The following CNGB1 variants were observed in gnomAD, a reference collection of about 807,000 sequenced individuals.
The protein encoded by CNGB1 is cyclic nucleotide gated channel subunit beta 1.
CNGB1 carries 126 observed loss-of-function variants against 151.7 expected under a neutral mutation model. That is an observed-to-expected ratio of 0.83 (90% CI 0.72 to 0.96). The LOEUF (loss-of-function observed/expected upper bound fraction) is 0.96. CNGB1 is among the 40% of genes least tolerant of loss of function. The pLI is 0.00. For missense variants in CNGB1, 1,698 were observed against 1,627.0 expected, an observed-to-expected ratio of 1.04 and a Z score of -0.75; for synonymous variants, 623 against 635.1, an observed-to-expected ratio of 0.98 and a Z score of 0.29.
intron 25 of CNGB1, among the ~76,000 whole-genome samples, chr16:57,906,199 A>ATCTC (rs139113790): frequency 2.0e-5 from 3 of 150,986 alleles, no homozygotes; most frequent in East Asian, 1.9e-4. Flanking sequence ...ACTTGGACAA[A>ATCTC]TCTCTCTCTC....
chr16:57,926,932 A>ACCATTG (rs61241067), intron 17 of CNGB1, among the ~76,000 whole-genome samples: 5,116 of 152,294 alleles, frequency 0.034, 266 homozygotes, highest in African/African-American at 0.11. Flanking sequence ...GTGAGCTGAG[A>ACCATTG]CCATTGCATT....
chr16:57,922,861 A>C (rs1961081366), intron 18 of CNGB1, among the ~76,000 whole-genome samples: 1 of 144,940 alleles, frequency 6.9e-6, no homozygotes, highest in Non-Finnish European at 1.5e-5. Context: ...GGGCCAGGGA[A>C]TCTTTTTTTT....
chr16:57,942,342 C>T (rs1366153996), intron 14 of CNGB1, among the ~76,000 whole-genome samples: 2 of 151,848 alleles, frequency 1.3e-5, no homozygotes, highest in African/African-American at 4.8e-5. Flanking sequence ...CTAAAGATTC[C>T]ACCAAAAAAC....
intron 17 of CNGB1, among the ~76,000 whole-genome samples, chr16:57,928,330 A>C (rs889634894): frequency 3.3e-5 from 5 of 152,244 alleles, no homozygotes; most frequent in African/African-American, 7.2e-5. Flanking sequence ...ACACGTGATC[A>C]TGGTGCCATT....
chr16:57,908,746 C>T (rs1960626263), intron 25 of CNGB1, among the ~76,000 whole-genome samples: 1 of 152,212 alleles, frequency 6.6e-6, no homozygotes, highest in African/African-American at 2.4e-5. Context: ...GCCCAGCCCC[C>T]ATCCTGTGCG....
At position 57,952,493 on chromosome 16, in the gene CNGB1, C is replaced by CTTTTTTTT. The variant is rs10598722; in HGVS notation, c.875-1961_875-1954dup. Among the ~76,000 whole-genome samples, 7 of 62,100 alleles carry CTTTTTTTT rather than the reference C, an allele frequency of 1.1e-4. 1 individual carries two copies. Among genetic ancestry groups the CTTTTTTTT allele is most frequent in the Non-Finnish European group, 1.4e-4 (5 of 35,432 alleles). 40.7% of individuals were successfully genotyped at this position (62,100 alleles called of 152,430 possible). ...TGCGTGGGTGTTTTACAAGCATTTC[C>CTTTTTTTT]TTTTTTTTTTTTTTTTTTTTTTTTT... On this transcript the variant is annotated intron_variant, in intron 12 of 32. Transcript: ENST00000251102.
intron 31 of CNGB1, among the ~76,000 whole-genome samples, chr16:57,891,413 G>A (rs537263293): frequency 1.2e-4 from 19 of 152,238 alleles, no homozygotes; most frequent in Non-Finnish European, 2.2e-4. Context: ...AGGCCAAGGC[G>A]GGAGATTTCT....
At position 57,919,249 on chromosome 16, in the gene CNGB1, C is replaced by T. The variant is rs1286615346; in HGVS notation, c.1807G>A (p.Ala603Thr). 3.1e-6 allele frequency: 5 copies of T among 1,614,024 alleles called. No homozygotes were observed. The highest frequency in any genetic ancestry group is 3.4e-6 in the Non-Finnish European group (4 of 1,180,038). ...GGAGCTGGCTCTGGGGCTTTCTTGG[C>T]TGGGGCTGTGGGATGACATTGGTGA... is the stretch of plus-strand genomic sequence containing the variant. ...SDEESPKPSP[A>T]KKAPEPAPDT... The change falls in exon 20 of 33, where the codon GCC (alanine) becomes ACC (threonine). Residue 603 changes from alanine to threonine, a missense_variant. By Grantham distance (58) the Ala-to-Thr change is moderately conservative. Coordinates refer to ENST00000251102, the MANE Select transcript of CNGB1 (RefSeq NM_001297.5).
Position 57,904,747 on chromosome 16 carries a change from A to G in CNGB1, c.2621T>C (p.Val874Ala). 14 of 1,614,152 alleles carry G rather than the reference A, an allele frequency of 8.7e-6. No individual in the cohort carries two copies. Among genetic ancestry groups the G allele is most frequent in the Non-Finnish European group, 1.2e-5 (14 of 1,180,036 alleles). The change falls in exon 26 of 33, where the codon GTG (valine) becomes GCG (alanine). Residue 874 changes from valine (V) to alanine (A), a missense_variant. Physicochemically the swap from Val to Ala is moderately conservative, Grantham distance 64. Coordinates refer to ENST00000251102, the MANE Select transcript of CNGB1 (RefSeq NM_001297.5). Reference sequence around the variant, plus strand: ...GTGCCCCGATACCTGTCCGATCATCACAGAGAAAGCAAAGACGCCCGTGAA... The same window carrying G: ...GTGCCCCGATACCTGTCCGATCATCGCAGAGAAAGCAAAGACGCCCGTGAA... The part of the protein sequence containing the change: ...NYFTGVFAFS[V>A]MIGQMRDVVG...
At chr16:57,893,011 C>T (rs1323799287) in intron 31 of CNGB1, among the ~76,000 whole-genome samples, 2 of 152,170 alleles carry the variant, frequency 1.3e-5, no homozygotes. Context: ...TTTGGTCCCT[C>T]CTGTGTCCCC....
At chr16:57,950,636 GCCAGCAGTGC>G (rs1347168041) in intron 12 of CNGB1, 96 bp from the exon 13 acceptor site, 1 of 1,181,048 alleles carries the variant, frequency 8.5e-7, no homozygotes, top group East Asian at 2.5e-5. Context: ...CCTGGCTGTC[GCCAGCAGTGC>G]CTCAGTGCTT....
chr16:57,920,665 G>GC lies in CNGB1; in HGVS notation c.1644-122dup. The GC allele has an allele frequency of 5.1e-6, 6 of 1,180,990 alleles. No homozygotes were observed. The South Asian group carries it at 7.7e-5, about 15-fold the overall frequency. The allele number at this position is 1,180,990 out of a possible 1,614,324, so 73.2% of individuals were successfully genotyped here. ...ACAGAGCCTGAAGGAGGTAAGTCCTGCCCCCATCTCCTTCTGACATCAGAA... is the reference window on the plus strand; with the variant it reads ...ACAGAGCCTGAAGGAGGTAAGTCCTGCCCCCCATCTCCTTCTGACATCAGAA... On this transcript the variant is annotated intron_variant, in intron 18 of 32. Coordinates refer to ENST00000251102, the MANE Select transcript of CNGB1 (RefSeq NM_001297.5).
intron 12 of CNGB1, among the ~76,000 whole-genome samples, chr16:57,955,783 T>C (rs1437429405): frequency 6.6e-6 from 1 of 151,980 alleles, no homozygotes; most frequent in Non-Finnish European, 1.5e-5. Flanking sequence ...GAAGCCAAGG[T>C]TTGCCAAGGA....
chr16:57,902,096 A>T (rs1960408315), intron 27 of CNGB1, among the ~76,000 whole-genome samples: 1 of 151,960 alleles, frequency 6.6e-6, no homozygotes, highest in East Asian at 1.9e-4. Flanking sequence ...TGTTTTAGAC[A>T]GTCTCGCTCT....
chr16:57,949,308 C>T, intron 14 of CNGB1, 45 bp downstream of exon 14: 4 of 1,602,702 alleles, frequency 2.5e-6, no homozygotes, highest in Non-Finnish European at 2.5e-6. Flanking sequence ...GCTCAGCCAA[C>T]CCCAGCCCCA....
chr16:57,884,405 T>C lies in CNGB1; in HGVS notation c.3515A>G (p.Gln1172Arg), dbSNP rs751766451. 2 of 1,613,384 alleles carry C rather than the reference T, an allele frequency of 1.2e-6. No individual in the cohort carries two copies. The highest frequency in any genetic ancestry group is 2.7e-5 in the African/African-American group (2 of 74,920). The stretch of plus-strand genomic sequence containing the variant: ...GGCGGCCTCCTTTGGGTGCGTGTGC[T>C]GGTCTGGGGCGGCGGAGCCTTCCTC... ...KGEEGSAAPD[Q>R]HTHPKEAATD... Residue 1172 changes from glutamine to arginine, a missense_variant, in exon 33 of 33, where the codon CAG becomes CGG. Coordinates refer to ENST00000251102, the MANE Select transcript of CNGB1 (RefSeq NM_001297.5).
intron 32 of CNGB1, among the ~76,000 whole-genome samples, chr16:57,884,912 G>A (rs1276451094): frequency 5.3e-5 from 8 of 152,146 alleles, no homozygotes; most frequent in African/African-American, 1.4e-4. Context: ...AAGTGATGAA[G>A]GGAGAGGCTG....
chr16:57,903,789 G>A lies in CNGB1; in HGVS notation c.2794+33C>T, dbSNP rs1054222751. On this transcript the variant is annotated intron_variant, in intron 27 of 32. Transcript: ENST00000251102. ...GCACCAGGCGACAGGAGTTGACTGG[G>A]AGCTGGTGGCTGCCAGGGCGTGACC... 7.4e-6 allele frequency: 12 copies of A among 1,613,184 alleles called. No homozygotes were observed. The African/African-American group carries it at 1.3e-4, about 18-fold the overall frequency.
chr16:57,949,105 C>G (rs758332693), intron 14 of CNGB1, among the ~76,000 whole-genome samples: 26 of 151,976 alleles, frequency 1.7e-4, no homozygotes, highest in Non-Finnish European at 3.1e-4. Context: ...AAGCCCCAGC[C>G]CTCTTGGAGG....
Sources: gnomAD v4.1 joint callset for allele counts (sites outside exome capture counted in the v4.1 genomes callset) on GRCh38, gnomAD v4.1.1 for gene constraint, MANE v1.5 for transcripts, NCBI Gene and HGNC (gene_info 2026-07-23, HGNC 2026-07-21) for gene names.